The following ANK3 variants were observed in gnomAD, a reference collection of about 807,000 sequenced individuals.
The protein encoded by ANK3 is ankyrin-3.
ANK3 carries 57 observed loss-of-function variants against 370.9 expected under a neutral mutation model. The ratio of observed to expected loss-of-function variants is 0.15; its 90% CI spans 0.12 to 0.19. ANK3 has a LOEUF of 0.19. Among genes scored for constraint, ANK3 ranks in the 10% least tolerant of loss-of-function variants. The pLI is 1.00. For missense variants in ANK3, 4,439 were observed against 5,302.1 expected (o/e 0.84, Z 5.06); for synonymous variants, 1,929 against 1,946.3 (o/e 0.99, Z 0.23).
intron 8 of ANK3, among the ~76,000 whole-genome samples, chr10:60,227,078 T>C (rs1308801014): frequency 1.3e-5 from 2 of 151,940 alleles, no homozygotes; most frequent in East Asian, 1.9e-4. Flanking sequence ...TTTTAGTTCG[T>C]CTGGGCCTGA....
intron 32 of ANK3, chr10:60,083,923 CTTT>C (rs60709810): frequency 9.1e-4 from 136 of 149,716 alleles, no homozygotes; most frequent in South Asian, 1.9e-3. Context: ...ATTTTGAAAG[CTTT>C]TTTTTTTTTT....
At chr10:60,488,849 T>C (rs1279351124) in intron 2 of ANK3, among the ~76,000 whole-genome samples, 1 of 152,236 alleles carries the variant, frequency 6.6e-6, no homozygotes, top group Non-Finnish European at 1.5e-5. Flanking sequence ...ATTAGACAAC[T>C]GTACCATATG....
chr10:60,051,363 C>T, intron 42 of ANK3: 2 of 386,104 alleles, frequency 5.2e-6, no homozygotes, highest in South Asian at 2.1e-4. Flanking sequence ...AAAGCCATTT[C>T]ATTATCAAGC....
In ANK3 at chr10:60,364,732, A is replaced by G. The variant is rs61846517; in HGVS notation, c.114+24693T>C. 6.0e-3 allele frequency among the ~76,000 whole-genome samples: 849 copies of G among 141,390 alleles called. 5 individuals are homozygous for G. The highest frequency in any genetic ancestry group is 0.028 in the Middle Eastern group (7 of 246). The allele number at this position is 141,390 out of a possible 152,430, so 92.8% of individuals were successfully genotyped here. A position where few individuals can be genotyped will look rare whatever the true frequency, so the allele number is the denominator to read the frequency against. ...ATTTGTTAGAAAAATAAGACAATAT[A>G]GCCATAGAGCCTACTAGTAAACTGT... On this transcript the variant is annotated intron_variant, in intron 1 of 43. Coordinates refer to ENST00000280772, the MANE Select transcript of ANK3 (RefSeq NM_020987.5).
At chr10:60,204,375 C>A (rs575051456) in intron 11 of ANK3, among the ~76,000 whole-genome samples, 2 of 152,066 alleles carry the variant, frequency 1.3e-5, no homozygotes, top group African/African-American at 4.8e-5. Flanking sequence ...TATTTTAGAG[C>A]CTATTCTTAT....
At chr10:60,684,499 CT>C in intron 1 of ANK3, 1 of 1,449,698 alleles carries the variant, frequency 6.9e-7, no homozygotes, top group Non-Finnish European at 9.3e-7. Context: ...TTATTTGCAG[CT>C]GGAAATGGGG....
At chr10:60,209,188 C>G (rs1591766346) in intron 9 of ANK3, among the ~76,000 whole-genome samples, 1 of 152,246 alleles carries the variant, frequency 6.6e-6, no homozygotes, top group African/African-American at 2.4e-5. Flanking sequence ...AAGAGAGGCT[C>G]TATCAATTAT....
chr10:60,503,092 A>C (rs577004257), intron 2 of ANK3, among the ~76,000 whole-genome samples: 1 of 152,172 alleles, frequency 6.6e-6, no homozygotes, highest in South Asian at 2.1e-4. Context: ...TCTCATACAT[A>C]AACAATCAGC....
chr10:60,242,414 CTT>C (rs974659564), intron 7 of ANK3, among the ~76,000 whole-genome samples: 1 of 152,084 alleles, frequency 6.6e-6, no homozygotes, highest in African/African-American at 2.4e-5. Flanking sequence ...ATAAAGATGA[CTT>C]TTTACAGTAC....
rs563946588 is a variant in ANK3, at chr10:60,036,422, A to ATTTTTTTTTTTTT, written c.*19+6237_*19+6249dup. ...CTGCGGAAGAGAGAGGTCAGAGGCA[A>ATTTTTTTTTTTTT]TTTTTTTTTTTTTTTTTTTTTTTTT... On this transcript the variant is annotated intron_variant, in intron 43 of 43. Coordinates refer to ENST00000280772, the MANE Select transcript of ANK3 (RefSeq NM_020987.5). 3.2e-3 allele frequency among the ~76,000 whole-genome samples: 230 copies of ATTTTTTTTTTTTT among 72,282 alleles called. 41 individuals carry two copies. The highest frequency in any genetic ancestry group is 0.013 in the African/African-American group (179 of 14,236). 47.4% of individuals were successfully genotyped at this position (72,282 alleles called of 152,430 possible).
intron 8 of ANK3, among the ~76,000 whole-genome samples, chr10:60,230,283 G>T (rs1166635611): frequency 2.0e-5 from 3 of 152,128 alleles, no homozygotes; most frequent in African/African-American, 7.2e-5. Flanking sequence ...AAAGAGGGAA[G>T]AATTCAGTGG....
rs1162035503 is a variant in ANK3 at position 60,029,756 on chromosome 10, C to T, written c.*90G>A. Reference sequence around the variant, plus strand: ...AAGCAGCGAACACACACACACTTCTCGGTGAATTTTTACTTCCTGCTGACA... The same window carrying T: ...AAGCAGCGAACACACACACACTTCTTGGTGAATTTTTACTTCCTGCTGACA... On this transcript the variant is annotated 3_prime_UTR_variant, in exon 44 of 44. Coordinates refer to ENST00000280772, the MANE Select transcript of ANK3 (RefSeq NM_020987.5). 1.3e-5 allele frequency: 2 copies of T among 152,206 alleles called. No homozygotes were observed. Among genetic ancestry groups the T allele is most frequent in the South Asian group, 2.1e-4 (1 of 4,788 alleles). The allele number at this position is 152,206 out of a possible 1,614,324, so 9.4% of individuals were successfully genotyped here.
intron 2 of ANK3, among the ~76,000 whole-genome samples, chr10:60,496,222 G>A (rs1043129760): frequency 6.6e-6 from 1 of 152,150 alleles, no homozygotes; most frequent in South Asian, 2.1e-4. Flanking sequence ...GAACCCAAGA[G>A]TTTCCTAAGT....
intron 1 of ANK3, among the ~76,000 whole-genome samples, chr10:60,656,387 CCTCT>C (rs1488745879): frequency 3.3e-5 from 5 of 151,900 alleles, no homozygotes; most frequent in African/African-American, 4.8e-5. Context: ...TAATCTGTGT[CCTCT>C]CTATTTTTTT....
At chr10:60,051,583 T>C (rs2078010408) in intron 42 of ANK3, 1 of 956,524 alleles carries the variant, frequency 1.0e-6, no homozygotes, top group Non-Finnish European at 1.2e-6. Flanking sequence ...ATTTTTAGTA[T>C]AATTTTACCA....
At position 60,090,406 on chromosome 10, in the gene ANK3, C is replaced by G. The variant is rs796535093; in HGVS notation, c.3329-2048G>C. Among the ~76,000 whole-genome samples the G allele has an allele frequency of 5.3e-5, 8 of 151,970 alleles. 1 individual carries two copies. In the East Asian group the frequency reaches 1.2e-3, roughly 22 times the overall value. On this transcript the variant is annotated intron_variant, in intron 28 of 43. Coordinates refer to ENST00000280772, the MANE Select transcript of ANK3 (RefSeq NM_020987.5). The stretch of plus-strand genomic sequence containing the variant: ...AACTTTCCTATACAAAACTGGAAAC[C>G]CAGAAGCCTAAAAGCATAATATAAA...
chr10:60,140,254 G>T, intron 23 of ANK3: 1 of 1,288,972 alleles, frequency 7.8e-7, no homozygotes, highest in Non-Finnish European at 1.1e-6. Context: ...CCAGTACCAA[G>T]AGATTATTTT....
chr10:60,237,576 T>C (rs924937269), intron 7 of ANK3, among the ~76,000 whole-genome samples: 2 of 151,828 alleles, frequency 1.3e-5, no homozygotes, highest in African/African-American at 4.8e-5. Context: ...GACAAAAAGG[T>C]GCCTTGAGTT....
chr10:60,454,044 C>T (rs893626204), intron 2 of ANK3, among the ~76,000 whole-genome samples: 8 of 152,162 alleles, frequency 5.3e-5, no homozygotes, highest in African/African-American at 1.2e-4. Context: ...GCAAATTAGG[C>T]CTTTTTAAAG....
Sources: gnomAD v4.1 joint callset for allele counts (sites outside exome capture counted in the v4.1 genomes callset) on GRCh38, gnomAD v4.1.1 for gene constraint, MANE v1.5 for transcripts, NCBI Gene and HGNC (gene_info 2026-07-23, HGNC 2026-07-21) for gene names.